Variants in SKAP1 observed in about 807,000 individuals in gnomAD.
SKAP1 encodes the protein src kinase-associated phosphoprotein 1.
Under a neutral mutation model 58.5 loss-of-function variants are expected in SKAP1, and 44 were observed. The ratio of observed to expected loss-of-function variants is 0.75; its 90% CI spans 0.59 to 0.97. The LOEUF is 0.97. SKAP1 is among the 50% of genes least tolerant of loss of function. The pLI, the probability that SKAP1 is intolerant of heterozygous loss-of-function variation, is 0.00. For missense variants in SKAP1, 390 were observed against 435.2 expected, an observed-to-expected ratio of 0.90 and a Z score of 0.92; for synonymous variants, 127 against 149.7, an observed-to-expected ratio of 0.85 and a Z score of 1.11.
intron 4 of SKAP1, among the ~76,000 whole-genome samples, chr17:48,251,256 G>A (rs2065360168): frequency 6.6e-6 from 1 of 152,186 alleles, no homozygotes; most frequent in African/African-American, 2.4e-5. Flanking sequence ...TTCTGCAGCA[G>A]GAAACATGCC....
chr17:48,440,264 T>C, the SKAP1 span, among the ~76,000 whole-genome samples: 1 of 152,186 alleles, frequency 6.6e-6, no homozygotes. Context: ...GTCCTGGCCC[T>C]ACATAGGCTT....
chr17:48,204,722 T>G (rs895628099), intron 4 of SKAP1, among the ~76,000 whole-genome samples: 1 of 152,166 alleles, frequency 6.6e-6, no homozygotes, highest in Non-Finnish European at 1.5e-5. Flanking sequence ...TTCACAGGGA[T>G]GTTTAGCCCC....
At chr17:48,233,337 T>C (rs960786643) in intron 4 of SKAP1, among the ~76,000 whole-genome samples, 1 of 152,148 alleles carries the variant, frequency 6.6e-6, no homozygotes, top group Non-Finnish European at 1.5e-5. Flanking sequence ...TAAAAGGAAA[T>C]ATTGATGATT....
At chr17:48,426,625 C>A (rs1255012211) in intron 1 of SKAP1, among the ~76,000 whole-genome samples, 1 of 152,230 alleles carries the variant, frequency 6.6e-6, no homozygotes, top group Non-Finnish European at 1.5e-5. Context: ...ACTTCTACAT[C>A]TGAAGCCCCA....
chr17:48,338,410 T>C (rs113721472), intron 4 of SKAP1, among the ~76,000 whole-genome samples: 1 of 152,194 alleles, frequency 6.6e-6, no homozygotes, highest in African/African-American at 2.4e-5. Flanking sequence ...CCTTGGCCTC[T>C]CAAAGTTCTG....
intron 4 of SKAP1, among the ~76,000 whole-genome samples, chr17:48,218,386 A>G (rs540554249): frequency 6.6e-6 from 1 of 152,312 alleles, no homozygotes; most frequent in East Asian, 1.9e-4. Flanking sequence ...TGGCAAACCC[A>G]ACATCAATAT....
chr17:48,190,873 T>C (rs762653211), intron 4 of SKAP1, among the ~76,000 whole-genome samples: 38 of 152,168 alleles, frequency 2.5e-4, no homozygotes, highest in Non-Finnish European at 1.2e-4. Context: ...TAATCCCAGC[T>C]ACTCGGGAGG....
intron 4 of SKAP1, among the ~76,000 whole-genome samples, chr17:48,342,361 T>C (rs895082842): frequency 2.6e-5 from 4 of 152,234 alleles, no homozygotes; most frequent in Non-Finnish European, 5.9e-5. Context: ...TTTTTATGCA[T>C]GGGTTAGCCT....
At chr17:48,165,805 C>T (rs17619103) in intron 10 of SKAP1, among the ~76,000 whole-genome samples, 34,739 of 152,042 alleles carry the variant, frequency 0.23, 4,216 homozygotes, top group South Asian at 0.33. Flanking sequence ...CTCTGGCAGC[C>T]GTCTGAAATC....
intron 11 of SKAP1, among the ~76,000 whole-genome samples, chr17:48,151,139 G>T (rs1441635927): frequency 6.6e-6 from 1 of 150,728 alleles, no homozygotes; most frequent in Non-Finnish European, 1.5e-5. Context: ...AAATGTTCAT[G>T]CTTTTGTATC....
intron 11 of SKAP1, among the ~76,000 whole-genome samples, chr17:48,152,683 C>T (rs909324130): frequency 6.6e-6 from 1 of 152,116 alleles, no homozygotes; most frequent in African/African-American, 2.4e-5. Context: ...GCAGCCTTCA[C>T]CGGTTAGTTT....
chr17:48,305,395 G>A (rs992045810), intron 4 of SKAP1, among the ~76,000 whole-genome samples: 2 of 152,062 alleles, frequency 1.3e-5, no homozygotes, highest in Non-Finnish European at 2.9e-5. Context: ...ATCCATCTAC[G>A]TATTGTCTAA....
At chr17:48,384,869 G>A (rs1302502829) in intron 2 of SKAP1, among the ~76,000 whole-genome samples, 1 of 152,166 alleles carries the variant, frequency 6.6e-6, no homozygotes, top group Non-Finnish European at 1.5e-5. Flanking sequence ...CTGTAGAATT[G>A]GGAGTCTCCC....
chr17:48,274,228 C>A (rs2065669970), intron 4 of SKAP1, among the ~76,000 whole-genome samples: 1 of 152,008 alleles, frequency 6.6e-6, no homozygotes, highest in Non-Finnish European at 1.5e-5. Flanking sequence ...AACCCTGTCT[C>A]TATTAAAAAT....
At chr17:48,294,485 G>C (rs561647843) in intron 4 of SKAP1, 1 of 152,274 alleles carries the variant, frequency 6.6e-6, no homozygotes, top group Admixed American at 6.5e-5. Flanking sequence ...AAGCATATAG[G>C]AGAAAGGGTC....
the SKAP1 span, among the ~76,000 whole-genome samples, chr17:48,440,487 G>A: frequency 2.0e-5 from 3 of 152,198 alleles, no homozygotes; most frequent in Non-Finnish European, 4.4e-5. Flanking sequence ...CAGCTGTGGC[G>A]TAAGGGTCTG....
At chr17:48,323,868 G>C (rs1224844138) in intron 4 of SKAP1, among the ~76,000 whole-genome samples, 1 of 152,064 alleles carries the variant, frequency 6.6e-6, no homozygotes. Context: ...ACAGATCAGG[G>C]AGTCTTCCCA....
At chr17:48,321,046 G>T (rs997963852) in intron 4 of SKAP1, among the ~76,000 whole-genome samples, 1 of 152,088 alleles carries the variant, frequency 6.6e-6, no homozygotes, top group Non-Finnish European at 1.5e-5. Context: ...TTTTTTAGAG[G>T]ATGTGATACT....
intron 4 of SKAP1, among the ~76,000 whole-genome samples, chr17:48,257,996 A>G (rs148021068): frequency 3.5e-4 from 54 of 152,150 alleles, no homozygotes; most frequent in African/African-American, 1.2e-3. Context: ...GCTGAGGACA[A>G]TCACCTTCTG....
Sources: gnomAD v4.1 joint callset for allele counts (sites outside exome capture counted in the v4.1 genomes callset) on GRCh38, gnomAD v4.1.1 for gene constraint, MANE v1.5 for transcripts, NCBI Gene and HGNC (gene_info 2026-07-23, HGNC 2026-07-21) for gene names.